KANSL3: variants seen among roughly 807,000 people sequenced by gnomAD.
KANSL3 encodes NSL complex protein NSL3.
In KANSL3, 16 loss-of-function variants were observed where a neutral mutation model predicts 89.2. The observed-to-expected ratio is 0.18, with a 90% CI of 0.12 to 0.27. The LOEUF is 0.27. Ranked by LOEUF, KANSL3 falls within the 10% of genes least tolerant of loss-of-function variation. The probability of loss-of-function intolerance (pLI) is 1.00; values close to 1 mark genes in which losing one functional copy is unlikely to be tolerated. For synonymous variants in KANSL3, 385 were observed against 419.7 expected (o/e 0.92, Z 1.01); for missense variants, 879 against 1,110.6 (o/e 0.79, Z 2.96).
chr2:96,588,657 C>A (rs1442904879), downstream of KANSL3, among the ~76,000 whole-genome samples: 1 of 152,014 alleles, frequency 6.6e-6, no homozygotes, highest in Non-Finnish European at 1.5e-5. Flanking sequence ...GTGGTGCAAT[C>A]TCGGCTCACT....
intron 5 of KANSL3, among the ~76,000 whole-genome samples, chr2:96,617,462 G>A (rs185799565): frequency 1.3e-5 from 2 of 151,920 alleles, no homozygotes; most frequent in East Asian, 1.9e-4. Flanking sequence ...CAATGAGTCT[G>A]CAAGTTTTGG....
At chr2:96,586,571 A>G in the KANSL3 span, among the ~76,000 whole-genome samples, 4 of 152,194 alleles carry the variant, frequency 2.6e-5, no homozygotes, top group African/African-American at 9.7e-5. Flanking sequence ...CATTATGTAA[A>G]AAATTACTTC....
the KANSL3 span, among the ~76,000 whole-genome samples, chr2:96,586,721 G>A: frequency 6.6e-6 from 1 of 152,306 alleles, no homozygotes; most frequent in South Asian, 2.1e-4. Flanking sequence ...TCAACGCCTG[G>A]CCTTAAGCAA....
At chr2:96,608,408 C>T in intron 14 of KANSL3, 100 bp downstream of exon 14, 1 of 1,199,440 alleles carries the variant, frequency 8.3e-7, no homozygotes, top group Non-Finnish European at 1.2e-6. Context: ...CCTCTCACAT[C>T]CCCCTGAAAA....
intron 1 of KANSL3, chr2:96,637,812 G>A (rs2074461848): frequency 6.6e-6 from 1 of 152,338 alleles, no homozygotes; most frequent in African/African-American, 2.4e-5. Context: ...GTGACAAAAT[G>A]ATCCCCGTGG....
rs1229063449 is a variant in KANSL3 at position 96,619,343 on chromosome 2, C to G, written c.663+16G>C. On this transcript the variant is annotated intron_variant, in intron 5 of 20. Transcript: ENST00000431828. ...GGCTATCCCTAGGACAGGGCAGACCCCAATCACAGCCTTACCTTCCCCTTC... is the reference window on the plus strand; with the variant it reads ...GGCTATCCCTAGGACAGGGCAGACCGCAATCACAGCCTTACCTTCCCCTTC... 6.2e-7 allele frequency: 1 copy of G among 1,602,452 alleles called. No homozygotes were observed. The highest frequency in any genetic ancestry group is 2.3e-5 in the East Asian group (1 of 44,358).
Position 96,631,403 on chromosome 2 carries a change from C to A in KANSL3, c.295G>T (p.Val99Leu), listed in dbSNP as rs779343378. 2 of 1,606,664 alleles carry A rather than the reference C, an allele frequency of 1.2e-6. No homozygotes were observed. Residue 99 changes from valine to leucine, a missense_variant, in exon 3 of 21, where the codon GTG (valine) becomes TTG (leucine). Physicochemically the swap from Val to Leu is conservative, Grantham distance 32. Transcript: ENST00000431828. ...PLYDNQKARS[V>L]MNECERHVIF... ...ACATGCCGTTCACACTCATTCATCA[C>A]GCTGCGTGCCTTCTGATTGTCATAG...
chr2:96,619,528 A>G lies in KANSL3; in HGVS notation c.494T>C (p.Val165Ala), dbSNP rs1415608166. The stretch of plus-strand genomic sequence containing the variant: ...CTTGTCCACAGCAACACGGCGCAGC[A>G]CTGGCTCATTACAAGCCTGAAGGAT... ...LANEGACNEP[V>A]LRRVAVDKCA... Residue 165 changes from valine (V) to alanine (A), a missense_variant, in exon 5 of 21, where the codon GTG (valine) becomes GCG (alanine). Around this residue, in one of 6 missense-constraint regions of KANSL3, gnomAD observed 210 missense variants for 311.9 expected, o/e 0.67. Coordinates refer to ENST00000431828, the MANE Select transcript of KANSL3 (RefSeq NM_001115016.3). 6.2e-7 allele frequency: 1 copy of G among 1,613,862 alleles called. No homozygotes were observed. The highest frequency in any genetic ancestry group is 1.7e-5 in the Admixed American group (1 of 60,030).
At chr2:96,625,648 A>G (rs999726539) in intron 3 of KANSL3, among the ~76,000 whole-genome samples, 2 of 152,216 alleles carry the variant, frequency 1.3e-5, no homozygotes, top group Non-Finnish European at 2.9e-5. Context: ...CCATACACCA[A>G]TGACAGCTGA....
intron 3 of KANSL3, among the ~76,000 whole-genome samples, chr2:96,624,892 C>T (rs1444393332): frequency 1.3e-5 from 2 of 151,892 alleles, no homozygotes; most frequent in Non-Finnish European, 2.9e-5. Context: ...TGGAAATAAC[C>T]AAAGGCTATC....
chr2:96,620,319 T>G (rs553871564), intron 3 of KANSL3, among the ~76,000 whole-genome samples: 81 of 152,138 alleles, frequency 5.3e-4, no homozygotes, highest in African/African-American at 1.8e-3. Context: ...CACACTAATC[T>G]CTCTTTTCCA....
At chr2:96,585,105 A>G in the KANSL3 span, among the ~76,000 whole-genome samples, 1 of 152,212 alleles carries the variant, frequency 6.6e-6, no homozygotes, top group Non-Finnish European at 1.5e-5. Context: ...AAGAGCCCAA[A>G]AGCAAATGCA....
chr2:96,603,963 C>T (rs954733273), intron 17 of KANSL3: 2 of 261,242 alleles, frequency 7.7e-6, no homozygotes, highest in Non-Finnish European at 7.2e-6. Context: ...GCTGACTATA[C>T]ATATATGTCC....
At position 96,604,402 on chromosome 2, in the gene KANSL3, C is replaced by T. The variant is rs1233737832; in HGVS notation, c.2019-22G>A. On this transcript the variant is annotated intron_variant, in intron 16 of 20. Transcript: ENST00000431828. ...GGACCTGGAGACAAAGGAAGGAGCT[C>T]TGTTATCCAAAGGTCACAGGACAGC... 3 of 1,605,306 alleles carry T rather than the reference C, an allele frequency of 1.9e-6. No individual in the cohort carries two copies. The Admixed American group carries it at 5.0e-5, about 27-fold the overall frequency.
Position 96,631,438 on chromosome 2 carries a change from G to A in KANSL3, c.260C>T (p.Pro87Leu), listed in dbSNP as rs1301527505. 3 of 1,592,968 alleles carry A rather than the reference G, an allele frequency of 1.9e-6. No individual in the cohort carries two copies. The highest frequency in any genetic ancestry group is 8.6e-7 in the Non-Finnish European group (1 of 1,169,254). ...PIDVETVTST[P>L]MPLYDNQKAR... ...CTTCTGATTGTCATAGAGTGGCATA[G>A]GCGTTGATGTGACCGTCTCCACATC... Residue 87 changes from proline to leucine, a missense_variant, in exon 3 of 21, where the codon CCT becomes CTT. This residue lies in a region of KANSL3 where 210 missense variants were observed against 311.9 expected (regional missense o/e 0.67). Coordinates refer to ENST00000431828, the MANE Select transcript of KANSL3 (RefSeq NM_001115016.3).
intron 3 of KANSL3, among the ~76,000 whole-genome samples, chr2:96,629,653 A>G (rs2073041565): frequency 6.6e-6 from 1 of 152,134 alleles, no homozygotes; most frequent in African/African-American, 2.4e-5. Context: ...CAAGACCCCA[A>G]CCAACTTCTT....
At chr2:96,629,023 A>G (rs759420524) in intron 3 of KANSL3, among the ~76,000 whole-genome samples, 1 of 152,166 alleles carries the variant, frequency 6.6e-6, no homozygotes, top group African/African-American at 2.4e-5. Flanking sequence ...AAGGTTTCTT[A>G]AACACCCTGA....
intron 3 of KANSL3, among the ~76,000 whole-genome samples, chr2:96,624,928 A>G (rs557103020): frequency 6.6e-6 from 1 of 151,906 alleles, no homozygotes; most frequent in East Asian, 2.0e-4. Flanking sequence ...GGATAAGGCC[A>G]GGAATGGTGG....
downstream of KANSL3, among the ~76,000 whole-genome samples, chr2:96,591,304 G>A (rs1427932755): frequency 6.6e-6 from 1 of 152,218 alleles, no homozygotes; most frequent in Non-Finnish European, 1.5e-5. Context: ...AAGTAGAAGA[G>A]ATTAGTGGTT....
Sources: gnomAD v4.1 joint callset for allele counts (sites outside exome capture counted in the v4.1 genomes callset) on GRCh38, gnomAD v4.1.1 for gene constraint, gnomAD v4.1.1 regional missense constraint, MANE v1.5 for transcripts, NCBI Gene and HGNC (gene_info 2026-07-23, HGNC 2026-07-21) for gene names.